The following OTUD7A variants were observed in gnomAD, a reference collection of about 807,000 sequenced individuals.
OTUD7A encodes the protein OTU deubiquitinase 7A.
OTUD7A carries 12 observed loss-of-function variants against 65.7 expected under a neutral mutation model. The ratio of observed to expected loss-of-function variants is 0.18; its 90% confidence interval spans 0.12 to 0.30. The LOEUF is 0.30. OTUD7A is among the 10% of genes least tolerant of loss of function. OTUD7A has a pLI of 1.00. For synonymous variants in OTUD7A, 641 were observed against 586.3 expected, an observed-to-expected ratio of 1.09 and a Z score of -1.35; for missense variants, 1,148 against 1,304.8, an observed-to-expected ratio of 0.88 and a Z score of 1.85.
intron 3 of OTUD7A, among the ~76,000 whole-genome samples, chr15:31,652,404 A>T (rs1595686542): frequency 1.3e-5 from 2 of 152,340 alleles, no homozygotes; most frequent in South Asian, 4.1e-4. Flanking sequence ...GACCAACTAC[A>T]AGAAAATCTT....
At chr15:31,598,029 A>C (rs1889958452) in intron 3 of OTUD7A, among the ~76,000 whole-genome samples, 1 of 151,838 alleles carries the variant, frequency 6.6e-6, no homozygotes, top group South Asian at 2.1e-4. Flanking sequence ...GTGGCCCTGG[A>C]GGTTTATATG....
At chr15:31,651,540 T>C (rs1174066492) in intron 3 of OTUD7A, among the ~76,000 whole-genome samples, 4 of 150,132 alleles carry the variant, frequency 2.7e-5, no homozygotes, top group Non-Finnish European at 5.9e-5. Context: ...TACTCACAGA[T>C]AACATGATCA....
chr15:31,804,125 C>CCTAACTCT (rs1896207159), intron 1 of OTUD7A, among the ~76,000 whole-genome samples: 1 of 152,158 alleles, frequency 6.6e-6, no homozygotes, highest in African/African-American at 2.4e-5. Context: ...ACTATTCACC[C>CCTAACTCT]CTAACTCTTC....
At chr15:31,537,773 T>G (rs1432701420) in intron 5 of OTUD7A, among the ~76,000 whole-genome samples, 2 of 152,232 alleles carry the variant, frequency 1.3e-5, no homozygotes, top group Non-Finnish European at 2.9e-5. Flanking sequence ...GTGGGCAGCC[T>G]TGTTCATCCT....
intron 1 of OTUD7A, among the ~76,000 whole-genome samples, chr15:31,679,120 G>A (rs1358955670): frequency 1.3e-5 from 2 of 152,124 alleles, no homozygotes; most frequent in East Asian, 3.9e-4. Flanking sequence ...GACTTGCATG[G>A]GGCCTGCAGC....
intron 10 of OTUD7A, among the ~76,000 whole-genome samples, chr15:31,500,895 G>C (rs1202516498): frequency 6.6e-6 from 1 of 152,226 alleles, no homozygotes; most frequent in Non-Finnish European, 1.5e-5. Context: ...AATGACAACA[G>C]GAAGGGGTTT....
chr15:31,548,502 G>C (rs1436735364), intron 5 of OTUD7A, among the ~76,000 whole-genome samples: 2 of 152,092 alleles, frequency 1.3e-5, no homozygotes, highest in Non-Finnish European at 2.9e-5. Context: ...CTCGTGGCAT[G>C]GGCAGGATGA....
intron 3 of OTUD7A, among the ~76,000 whole-genome samples, chr15:31,622,637 G>A (rs1195835968): frequency 6.6e-6 from 1 of 152,132 alleles, no homozygotes; most frequent in African/African-American, 2.4e-5. Flanking sequence ...GGACTTCTCT[G>A]CATTGGTTAT....
At chr15:31,852,625 G>A (rs930862425) in intron 1 of OTUD7A, among the ~76,000 whole-genome samples, 7 of 152,130 alleles carry the variant, frequency 4.6e-5, no homozygotes, top group Non-Finnish European at 7.3e-5. Context: ...AGACATTTAC[G>A]AAGACAGCTT....
At chr15:31,551,875 AGGGGCCTTGTGT>A (rs1888335218) in intron 5 of OTUD7A, among the ~76,000 whole-genome samples, 2 of 152,290 alleles carry the variant, frequency 1.3e-5, no homozygotes, top group East Asian at 3.9e-4. Context: ...CCTCTGGGGC[AGGGGCCTTGTGT>A]TCCTCATCTT....
chr15:31,622,969 T>C (rs981503606), intron 3 of OTUD7A, among the ~76,000 whole-genome samples: 1 of 152,204 alleles, frequency 6.6e-6, no homozygotes, highest in African/African-American at 2.4e-5. Flanking sequence ...TGTTTGTTAG[T>C]TTTCCTTCTA....
chr15:31,766,265 T>C (rs1461972446), intron 1 of OTUD7A: 3 of 1,597,514 alleles, frequency 1.9e-6, no homozygotes, highest in Non-Finnish European at 2.6e-6. Flanking sequence ...TCGCACCCAT[T>C]GCATCATGAA....
At chr15:31,500,050 C>T (rs994070094) in intron 10 of OTUD7A, among the ~76,000 whole-genome samples, 4 of 152,202 alleles carry the variant, frequency 2.6e-5, no homozygotes, top group African/African-American at 7.2e-5. Context: ...ACCCCATGCT[C>T]GGAACTGGGA....
chr15:31,845,857 T>C (rs1021655529), intron 1 of OTUD7A, among the ~76,000 whole-genome samples: 1 of 151,924 alleles, frequency 6.6e-6, no homozygotes, highest in Non-Finnish European at 1.5e-5. Flanking sequence ...CCGTTGGGGG[T>C]TGGTGGCTCC....
chr15:31,867,750 G>A (rs1897915807), intron 1 of OTUD7A, among the ~76,000 whole-genome samples: 1 of 152,202 alleles, frequency 6.6e-6, no homozygotes. Context: ...GACTCAAAGT[G>A]TGCTAAGAGC....
chr15:31,801,306 C>A (rs1349513063), intron 1 of OTUD7A, among the ~76,000 whole-genome samples: 1 of 152,214 alleles, frequency 6.6e-6, no homozygotes, highest in Admixed American at 6.5e-5. Flanking sequence ...GATGGCCTGG[C>A]CTGGGGTCTA....
chr15:31,853,874 G>C (rs956237342), intron 1 of OTUD7A, among the ~76,000 whole-genome samples: 3 of 152,142 alleles, frequency 2.0e-5, no homozygotes, highest in Non-Finnish European at 4.4e-5. Context: ...AAATCACAAA[G>C]CAACCAGCAT....
In OTUD7A at chr15:31,639,097, G is replaced by A. The variant is rs1183826206; in HGVS notation, c.151+15999C>T. Among the ~76,000 whole-genome samples, 8 of 151,734 alleles carry A rather than the reference G, an allele frequency of 5.3e-5. 1 individual carries two copies. Among genetic ancestry groups the A allele is most frequent in the Non-Finnish European group, 1.2e-4 (8 of 67,952 alleles). On this transcript the variant is annotated intron_variant, in intron 3 of 12. Transcript: ENST00000307050. ...TGCAGTGAGACGAGCTCGCGCCACC[G>A]CACTCCAGCCTCTGTCTAAAAAAAA...
intron 3 of OTUD7A, among the ~76,000 whole-genome samples, chr15:31,638,473 C>A (rs149174731): frequency 0.014 from 2,085 of 149,486 alleles, 21 homozygotes; most frequent in Middle Eastern, 0.024. Context: ...TCTGTCTCCT[C>A]GACTCAAGCA....
Sources: gnomAD v4.1 joint callset for allele counts (sites outside exome capture counted in the v4.1 genomes callset) on GRCh38, gnomAD v4.1.1 for gene constraint, MANE v1.5 for transcripts, NCBI Gene and HGNC (gene_info 2026-07-23, HGNC 2026-07-21) for gene names.